The following ACBD7 variants were observed in gnomAD, a reference collection of about 807,000 sequenced individuals.
The protein encoded by ACBD7 is acyl-CoA binding domain containing 7.
ACBD7 carries 11 observed loss-of-function variants against 13.7 expected under a neutral mutation model. That is an observed-to-expected ratio of 0.80 (90% CI 0.50 to 1.33). ACBD7 has a LOEUF of 1.33. Among genes scored for constraint, ACBD7 ranks in the 40% most tolerant of loss-of-function variants. The pLI, the probability that ACBD7 is intolerant of heterozygous loss-of-function variation, is 0.00. For missense variants in ACBD7, 111 were observed against 103.0 expected (o/e 1.08, Z -0.33); for synonymous variants, 43 against 37.7 (o/e 1.14, Z -0.51).
In ACBD7 at chr10:15,088,767, C is replaced by A; in HGVS notation, c.-39G>T. The A allele has an allele frequency of 6.3e-7, 1 of 1,598,282 alleles. No homozygotes were observed. The highest frequency in any genetic ancestry group is 8.5e-7 in the Non-Finnish European group (1 of 1,175,310). On this transcript the variant is annotated 5_prime_UTR_variant, in exon 1 of 4. Transcript: ENST00000356189. ...GCGTTGTTGCTGCTGCTGTTGTCGT[C>A]CGGTGCTCTGCCCCCTCTCGCACCC...
intron 1 of ACBD7, among the ~76,000 whole-genome samples, chr10:15,080,464 C>T (rs1349540961): frequency 6.6e-6 from 1 of 152,136 alleles, no homozygotes; most frequent in Admixed American, 6.5e-5. Context: ...CCTGTAATCC[C>T]AGCTGCTCAG....
Position 15,076,868 on chromosome 10 carries a change from G to A in ACBD7, c.*1662C>T. On this transcript the variant is annotated 3_prime_UTR_variant, in exon 4 of 4. Transcript: ENST00000356189. ...AACATTAACTTATTGTAACAGAACA[G>A]ATGAGCCAAAAGAACAAACAGCTGT... is the stretch of plus-strand genomic sequence containing the variant. 5 of 985,382 alleles carry A rather than the reference G, an allele frequency of 5.1e-6. No homozygotes were observed. Among genetic ancestry groups the A allele is most frequent in the Non-Finnish European group, 6.0e-6 (5 of 829,934 alleles). The allele number at this position is 985,382 out of a possible 1,614,324, so 61.0% of individuals were successfully genotyped here.
At chr10:15,079,886 T>TTC (rs1844730781) in intron 1 of ACBD7, among the ~76,000 whole-genome samples, 1 of 150,160 alleles carries the variant, frequency 6.7e-6, no homozygotes, top group African/African-American at 2.4e-5. Context: ...TGCTTTTCTT[T>TTC]TTTTTTTTTT....
At chr10:15,079,543 G>A (rs1162135876) in intron 1 of ACBD7, among the ~76,000 whole-genome samples, 1 of 151,276 alleles carries the variant, frequency 6.6e-6, no homozygotes, top group African/African-American at 2.4e-5. Flanking sequence ...CCAAAGTGCT[G>A]TGACTACAGG....
chr10:15,088,398 G>C (rs1844833351), intron 1 of ACBD7: 2 of 483,836 alleles, frequency 4.1e-6, no homozygotes, highest in South Asian at 5.6e-5. Flanking sequence ...CGAGCGAAGG[G>C]GCGGGAGCGG....
At chr10:15,083,987 G>T (rs2131396991) in intron 1 of ACBD7, among the ~76,000 whole-genome samples, 1 of 152,332 alleles carries the variant, frequency 6.6e-6, no homozygotes, top group East Asian at 1.9e-4. Flanking sequence ...GACCACAGGG[G>T]ACTTGCTGCA....
chr10:15,084,035 A>C (rs1478831827), intron 1 of ACBD7, among the ~76,000 whole-genome samples: 3 of 152,222 alleles, frequency 2.0e-5, no homozygotes, highest in Non-Finnish European at 4.4e-5. Context: ...CACAGGAGGT[A>C]GCACAGACGG....
At chr10:15,078,638 G>A (rs543920043) in intron 3 of ACBD7, 35 bp from the exon 4 acceptor site, 1 of 1,613,972 alleles carries the variant, frequency 6.2e-7, no homozygotes, top group Admixed American at 1.7e-5. Context: ...TCCCTGATTG[G>A]TGCACTGGGA....
At chr10:15,087,263 T>C (rs1844820359) in intron 1 of ACBD7, among the ~76,000 whole-genome samples, 1 of 152,262 alleles carries the variant, frequency 6.6e-6, no homozygotes, top group Non-Finnish European at 1.5e-5. Flanking sequence ...AAATGCTTTA[T>C]ACATATAACT....
chr10:15,087,157 G>A (rs546616070), intron 1 of ACBD7, among the ~76,000 whole-genome samples: 1 of 152,196 alleles, frequency 6.6e-6, no homozygotes, highest in Non-Finnish European at 1.5e-5. Context: ...TCCAGCCTGG[G>A]TGACAGAGTG....
At chr10:15,088,518 G>A in intron 1 of ACBD7, 199 bp downstream of exon 1, 1 of 728,058 alleles carries the variant, frequency 1.4e-6, no homozygotes, top group Non-Finnish European at 2.1e-6. Flanking sequence ...GTCCGGAAGG[G>A]TTGCCCTGGG....
intron 1 of ACBD7, among the ~76,000 whole-genome samples, chr10:15,079,542 T>C (rs574314196): frequency 6.6e-6 from 1 of 151,900 alleles, no homozygotes; most frequent in South Asian, 2.1e-4. Context: ...CCCAAAGTGC[T>C]GTGACTACAG....
Position 15,078,691 on chromosome 10 carries a change from C to G in ACBD7, c.193G>C (p.Gly65Arg). 3.1e-6 allele frequency: 5 copies of G among 1,613,884 alleles called. No individual in the cohort carries two copies. The highest frequency in any genetic ancestry group is 4.2e-6 in the Non-Finnish European group (5 of 1,179,986). ...TTAAACTTGTGAAAGACTAAAAAAC[C>G]TTTTTTGAGGTTCCATGCTTCCCAT... ...AKWEAWNLKK[G>R]LSTEDATSAY... The change falls in exon 3 of 4, where the codon GGG (glycine) becomes CGG (arginine). Residue 65 changes from glycine to arginine, a missense_variant and splice_region_variant. Coordinates refer to ENST00000356189, the MANE Select transcript of ACBD7 (RefSeq NM_001039844.3).
chr10:15,085,004 T>C (rs1844793430), intron 1 of ACBD7, among the ~76,000 whole-genome samples: 1 of 152,226 alleles, frequency 6.6e-6, no homozygotes, highest in African/African-American at 2.4e-5. Flanking sequence ...CCTATTCTCC[T>C]GCCTCATCCT....
At position 15,078,773 on chromosome 10, in the gene ACBD7, T is replaced by C. The variant is rs374799755; in HGVS notation, c.131-20A>G. 1.5e-5 allele frequency: 24 copies of C among 1,612,834 alleles called. No individual in the cohort carries two copies. The African/African-American group carries it at 3.2e-4, about 22-fold the overall frequency. ...GACACGCTGGCAAAAGAAGGAGACATGCATTTGCAGGTTAACATTTTACTG... is the reference window on the plus strand; with the variant it reads ...GACACGCTGGCAAAAGAAGGAGACACGCATTTGCAGGTTAACATTTTACTG... On this transcript the variant is annotated intron_variant, in intron 2 of 3. Coordinates refer to ENST00000356189, the MANE Select transcript of ACBD7 (RefSeq NM_001039844.3).
intron 1 of ACBD7, among the ~76,000 whole-genome samples, chr10:15,087,502 C>T (rs911395857): frequency 1.3e-5 from 2 of 152,206 alleles, no homozygotes; most frequent in African/African-American, 4.8e-5. Context: ...AGAGGCCGGG[C>T]GTGGTGGCTC....
intron 1 of ACBD7, among the ~76,000 whole-genome samples, chr10:15,084,902 G>T (rs189623890): frequency 6.6e-6 from 1 of 151,974 alleles, no homozygotes; most frequent in African/African-American, 2.4e-5. Context: ...AGTAGCCTCC[G>T]GTCCTTTTAT....
At chr10:15,083,508 G>T (rs1039538181) in intron 1 of ACBD7, among the ~76,000 whole-genome samples, 3 of 152,192 alleles carry the variant, frequency 2.0e-5, no homozygotes, top group African/African-American at 7.2e-5. Context: ...TTTTGAGACA[G>T]TCTCGCTCTG....
At chr10:15,084,878 G>C (rs1033598348) in intron 1 of ACBD7, among the ~76,000 whole-genome samples, 12 of 152,218 alleles carry the variant, frequency 7.9e-5, no homozygotes, top group Non-Finnish European at 1.8e-4. Flanking sequence ...AAGTGGGGAG[G>C]AGGTTGCAAA....
Sources: gnomAD v4.1 joint callset for allele counts (sites outside exome capture counted in the v4.1 genomes callset) on GRCh38, gnomAD v4.1.1 for gene constraint, MANE v1.5 for transcripts, NCBI Gene and HGNC (gene_info 2026-07-23, HGNC 2026-07-21) for gene names.